Variants in ANO6 observed in about 807,000 individuals in gnomAD.
The protein encoded by ANO6 is anoctamin 6.
In ANO6, 106 loss-of-function variants were observed where a neutral mutation model predicts 117.5. That is an observed-to-expected ratio of 0.90 (90% CI 0.77 to 1.06). The LOEUF (loss-of-function observed/expected upper bound fraction) is 1.06, where lower values mean the gene tolerates loss of function less well. Ranked by LOEUF, ANO6 falls within the 50% of genes least tolerant of loss-of-function variation. The pLI, the probability that ANO6 is intolerant of heterozygous loss-of-function variation, is 0.00. For missense variants in ANO6, 955 were observed against 1,121.1 expected (o/e 0.85, Z 2.12); for synonymous variants, 367 against 385.1 (o/e 0.95, Z 0.55).
chr12:45,377,297 C>T (rs918823834), intron 9 of ANO6, among the ~76,000 whole-genome samples: 3 of 151,976 alleles, frequency 2.0e-5, no homozygotes, highest in East Asian at 3.9e-4. Context: ...AAATTAGTAA[C>T]GAATTAAAAT....
intron 2 of ANO6, among the ~76,000 whole-genome samples, chr12:45,327,060 C>A (rs1055586110): frequency 6.6e-6 from 1 of 152,126 alleles, no homozygotes; most frequent in African/African-American, 2.4e-5. Flanking sequence ...ACTCAGTTAC[C>A]TGTGTGGTTT....
At chr12:45,403,352 C>A in intron 14 of ANO6, 87 bp from the exon 15 acceptor site, 3 of 1,529,602 alleles carry the variant, frequency 2.0e-6, no homozygotes, top group East Asian at 4.5e-5. Context: ...TTAGCCTAAA[C>A]AGAACAAATG....
At chr12:45,293,133 CTT>C (rs1460089925) in intron 1 of ANO6, among the ~76,000 whole-genome samples, 2 of 152,208 alleles carry the variant, frequency 1.3e-5, no homozygotes, top group Non-Finnish European at 2.9e-5. Context: ...GAAGCACTCT[CTT>C]ATTATCTAAG....
At chr12:45,384,947 C>A (rs1421212840) in intron 10 of ANO6, among the ~76,000 whole-genome samples, 2 of 152,122 alleles carry the variant, frequency 1.3e-5, no homozygotes, top group African/African-American at 4.8e-5. Context: ...CCCAAGTAGA[C>A]TAGCATAGCA....
At chr12:45,300,148 C>T (rs975077482) in intron 1 of ANO6, among the ~76,000 whole-genome samples, 8 of 151,984 alleles carry the variant, frequency 5.3e-5, no homozygotes, top group Non-Finnish European at 1.0e-4. Context: ...ACTACAAAGC[C>T]GAGATAAATC....
intron 1 of ANO6, among the ~76,000 whole-genome samples, chr12:45,261,798 C>G (rs1365818796): frequency 6.6e-6 from 1 of 152,190 alleles, no homozygotes; most frequent in African/African-American, 2.4e-5. Context: ...GTTGCTGCTT[C>G]TCAGCCTGAG....
chr12:45,360,827 CG>C (rs1941536082), intron 8 of ANO6, among the ~76,000 whole-genome samples: 1 of 152,116 alleles, frequency 6.6e-6, no homozygotes, highest in Admixed American at 6.5e-5. Flanking sequence ...ATACCAGCAC[CG>C]TTTTTGAAAA....
chr12:45,366,978 G>C (rs955384149), intron 8 of ANO6, among the ~76,000 whole-genome samples: 3 of 151,888 alleles, frequency 2.0e-5, no homozygotes, highest in Non-Finnish European at 4.4e-5. Flanking sequence ...ACTTATTTTT[G>C]TTTTGTTTTG....
chr12:45,420,204 T>G (rs1282886448), intron 17 of ANO6, among the ~76,000 whole-genome samples: 11 of 152,184 alleles, frequency 7.2e-5, no homozygotes, highest in African/African-American at 2.4e-4. Context: ...AAAGTGAACT[T>G]AGAGGTCATT....
At chr12:45,220,613 T>G (rs1947381342) in intron 1 of ANO6, among the ~76,000 whole-genome samples, 1 of 152,210 alleles carries the variant, frequency 6.6e-6, no homozygotes, top group South Asian at 2.1e-4. Flanking sequence ...AAAAGTTCCT[T>G]AGAACCAGAC....
rs1003417030 is a variant in ANO6 at position 45,424,935 on chromosome 12, CAA to C, written c.2526+1874_2526+1875del. On this transcript the variant is annotated intron_variant, in intron 19 of 19. Transcript: ENST00000320560. Reference sequence around the variant, plus strand: ...GCACACAACCAAAGATGGTCAATAACAAGAGGTGATTTAAAAAAAAAACAAAA... The same window carrying C: ...GCACACAACCAAAGATGGTCAATAACGAGGTGATTTAAAAAAAAAACAAAA... 3.8e-4 allele frequency among the ~76,000 whole-genome samples: 58 copies of C among 151,200 alleles called. 1 individual carries two copies. Among genetic ancestry groups the C allele is most frequent in the African/African-American group, 1.4e-3 (57 of 41,092 alleles).
At chr12:45,400,192 C>G (rs1942746152) in intron 12 of ANO6, among the ~76,000 whole-genome samples, 1 of 152,070 alleles carries the variant, frequency 6.6e-6, no homozygotes, top group South Asian at 2.1e-4. Context: ...TCCTCACAAG[C>G]CTGTTATGAG....
intron 12 of ANO6, among the ~76,000 whole-genome samples, chr12:45,396,164 G>A (rs900326345): frequency 1.3e-5 from 2 of 152,178 alleles, no homozygotes; most frequent in Admixed American, 1.3e-4. Context: ...CAAAATCAAT[G>A]TGCAAAAATC....
At chr12:45,420,709 C>G (rs1943336423) in intron 17 of ANO6, among the ~76,000 whole-genome samples, 1 of 152,138 alleles carries the variant, frequency 6.6e-6, no homozygotes, top group Non-Finnish European at 1.5e-5. Flanking sequence ...GTTAACCTGA[C>G]CTATACAAAC....
chr12:45,339,479 C>G (rs964674521), intron 3 of ANO6, among the ~76,000 whole-genome samples: 1 of 151,980 alleles, frequency 6.6e-6, no homozygotes, highest in Non-Finnish European at 1.5e-5. Context: ...TCAGAATGAG[C>G]ATTTATTTCT....
chr12:45,264,007 C>A (rs56196581), intron 1 of ANO6, among the ~76,000 whole-genome samples: 2 of 152,196 alleles, frequency 1.3e-5, no homozygotes, highest in Non-Finnish European at 2.9e-5. Flanking sequence ...ATCATATCAT[C>A]TTCCCTGTTC....
At chr12:45,408,975 A>C (rs1592031589) in intron 15 of ANO6, among the ~76,000 whole-genome samples, 1 of 152,230 alleles carries the variant, frequency 6.6e-6, no homozygotes, top group Admixed American at 6.5e-5. Flanking sequence ...AGCACTTACC[A>C]CCAGCTCACA....
chr12:45,301,021 G>C (rs1379461323), intron 1 of ANO6, among the ~76,000 whole-genome samples: 1 of 152,118 alleles, frequency 6.6e-6, no homozygotes, highest in Non-Finnish European at 1.5e-5. Context: ...TGTCCAATAT[G>C]GTAGCCACTA....
At chr12:45,381,141 G>T (rs181440322) in intron 10 of ANO6, among the ~76,000 whole-genome samples, 5 of 152,146 alleles carry the variant, frequency 3.3e-5, no homozygotes, top group Admixed American at 3.3e-4. Flanking sequence ...AGACAATGCA[G>T]GATATAACAC....
Sources: allele counts gnomAD v4.1 joint callset (sites outside exome capture counted in the v4.1 genomes callset), GRCh38; gene constraint gnomAD v4.1.1; transcripts MANE v1.5; gene names NCBI Gene and HGNC (gene_info 2026-07-23, HGNC 2026-07-21).